The following GALNTL6 variants were observed in gnomAD, a reference collection of about 807,000 sequenced individuals.
GALNTL6 encodes polypeptide N-acetylgalactosaminyltransferase like 6.
Under a neutral mutation model 73.7 loss-of-function variants are expected in GALNTL6, and 46 were observed. That is an observed-to-expected ratio of 0.62 (90% CI 0.49 to 0.80). The LOEUF is 0.80. Among genes scored for constraint, GALNTL6 ranks in the 30% least tolerant of loss-of-function variants. The pLI is 0.00. For missense variants in GALNTL6, 604 were observed against 755.0 expected, an observed-to-expected ratio of 0.80 and a Z score of 2.34; for synonymous variants, 259 against 263.7, an observed-to-expected ratio of 0.98 and a Z score of 0.17.
intron 5 of GALNTL6, among the ~76,000 whole-genome samples, chr4:172,749,775 A>T (rs1178361200): frequency 6.6e-6 from 1 of 151,966 alleles, no homozygotes; most frequent in Non-Finnish European, 1.5e-5. Flanking sequence ...ATATTATTCA[A>T]TCTTTCCTTC....
intron 6 of GALNTL6, among the ~76,000 whole-genome samples, chr4:172,810,780 A>C (rs1179452399): frequency 1.3e-5 from 2 of 152,200 alleles, no homozygotes; most frequent in Non-Finnish European, 2.9e-5. Flanking sequence ...TTTAATTAAA[A>C]GTACCTTGTC....
intron 5 of GALNTL6, among the ~76,000 whole-genome samples, chr4:172,660,782 G>A (rs1447303251): frequency 6.6e-6 from 1 of 152,132 alleles, no homozygotes; most frequent in African/African-American, 2.4e-5. Flanking sequence ...ATTAAAGGCA[G>A]CTATAGAGGA....
chr4:172,692,009 A>G (rs1359698740), intron 5 of GALNTL6, among the ~76,000 whole-genome samples: 3 of 148,606 alleles, frequency 2.0e-5, no homozygotes, highest in Non-Finnish European at 4.5e-5. Context: ...GTATTCAGAC[A>G]TGCCTATTTA....
chr4:172,657,629 A>T (rs191725412), intron 5 of GALNTL6, among the ~76,000 whole-genome samples: 1 of 152,220 alleles, frequency 6.6e-6, no homozygotes, highest in East Asian at 1.9e-4. Context: ...CATTTGGTAT[A>T]TGAAGGGAAG....
intron 5 of GALNTL6, among the ~76,000 whole-genome samples, chr4:172,634,865 G>A (rs1739590359): frequency 6.6e-6 from 1 of 152,100 alleles, no homozygotes; most frequent in African/African-American, 2.4e-5. Flanking sequence ...TTAATACAAT[G>A]CAATAACAGA....
chr4:172,462,923 G>T (rs1732668828), intron 5 of GALNTL6, among the ~76,000 whole-genome samples: 1 of 152,142 alleles, frequency 6.6e-6, no homozygotes, highest in Non-Finnish European at 1.5e-5. Context: ...AAAGTGTGAG[G>T]ACCATAATGA....
At chr4:172,918,543 A>G (rs1409080875) in intron 8 of GALNTL6, among the ~76,000 whole-genome samples, 2 of 152,124 alleles carry the variant, frequency 1.3e-5, no homozygotes, top group Non-Finnish European at 2.9e-5. Flanking sequence ...TCCTTCCCCC[A>G]ACACACACAT....
At chr4:172,754,521 G>A (rs1470509917) in intron 5 of GALNTL6, among the ~76,000 whole-genome samples, 7 of 152,126 alleles carry the variant, frequency 4.6e-5, no homozygotes, top group Middle Eastern at 6.8e-3. Flanking sequence ...GCAGTGAGCC[G>A]AGATCGCACC....
chr4:172,554,977 G>A (rs1736093029), intron 5 of GALNTL6, among the ~76,000 whole-genome samples: 1 of 152,128 alleles, frequency 6.6e-6, no homozygotes, highest in Non-Finnish European at 1.5e-5. Flanking sequence ...AAAAATAGGT[G>A]TCGCAATTTA....
Position 172,809,460 on chromosome 4 carries a change from T to G in GALNTL6, c.653T>G (p.Leu218Arg). Residue 218 changes from leucine to arginine, a missense_variant, in exon 6 of 13, where the codon CTG becomes CGG. Physicochemically the swap from Leu to Arg is moderately radical, Grantham distance 102 (BLOSUM62 -2). Around this residue, in one of 5 missense-constraint regions of GALNTL6, gnomAD observed 179 missense variants for 230.8 expected, o/e 0.78. Transcript: ENST00000506823. This position sits in a 1 kb window ranked among gnomAD's most constrained non-coding sequence, Gnocchi z 4.4. ...KREGLIRTRL[L>R]GASMARGEVL... is the part of the protein sequence containing the mutation. ...GAAGGACTCATCCGGACCCGTCTCC[T>G]GGGGGCATCTATGGCCAGAGGAGAA... 6.2e-6 allele frequency: 10 copies of G among 1,613,910 alleles called. No homozygotes were observed. Among genetic ancestry groups the G allele is most frequent in the Non-Finnish European group, 8.5e-6 (10 of 1,179,866 alleles).
At chr4:172,382,799 A>C (rs937317565) in intron 5 of GALNTL6, among the ~76,000 whole-genome samples, 19 of 151,918 alleles carry the variant, frequency 1.3e-4, no homozygotes, top group African/African-American at 4.6e-4. Context: ...GGTCCAAATA[A>C]ATTCTTTGCC....
chr4:172,114,983 A>G (rs1165939324), intron 2 of GALNTL6, among the ~76,000 whole-genome samples: 1 of 152,134 alleles, frequency 6.6e-6, no homozygotes, highest in African/African-American at 2.4e-5. Context: ...CACACAAGCC[A>G]TTCCCATCAA....
intron 4 of GALNTL6, among the ~76,000 whole-genome samples, chr4:172,316,639 A>T (rs756754333): frequency 6.6e-6 from 1 of 152,224 alleles, no homozygotes; most frequent in Non-Finnish European, 1.5e-5. Flanking sequence ...TTGCAGTTAT[A>T]CCAGACTAAT....
intron 3 of GALNTL6, among the ~76,000 whole-genome samples, chr4:172,256,003 G>A (rs117702061): frequency 0.019 from 2,939 of 151,370 alleles, 52 homozygotes; most frequent in East Asian, 0.065. Flanking sequence ...TATGCATATC[G>A]CATATTTGTG....
chr4:172,998,373 A>AT (rs1246205419), intron 10 of GALNTL6, among the ~76,000 whole-genome samples: 5 of 152,294 alleles, frequency 3.3e-5, no homozygotes, highest in Admixed American at 6.5e-5. Context: ...GCACTTCACA[A>AT]TTTTTTTATC....
At chr4:172,758,032 C>T (rs934442296) in intron 5 of GALNTL6, among the ~76,000 whole-genome samples, 2 of 152,122 alleles carry the variant, frequency 1.3e-5, no homozygotes, top group Non-Finnish European at 2.9e-5. Context: ...CTAAACACAA[C>T]CCCACTGCAG....
At chr4:172,704,425 T>A (rs944057251) in intron 5 of GALNTL6, among the ~76,000 whole-genome samples, 7 of 151,962 alleles carry the variant, frequency 4.6e-5, no homozygotes, top group East Asian at 3.8e-4. Context: ...ACATTTTTTT[T>A]AATTTCCTTT....
At chr4:171,845,845 T>C (rs1201273094) in intron 2 of GALNTL6, among the ~76,000 whole-genome samples, 2 of 152,230 alleles carry the variant, frequency 1.3e-5, no homozygotes, top group African/African-American at 4.8e-5. Context: ...CAGTTCTTAA[T>C]AATTAATACA....
At chr4:172,355,234 T>G (rs757598279) in intron 5 of GALNTL6, among the ~76,000 whole-genome samples, 1 of 152,094 alleles carries the variant, frequency 6.6e-6, no homozygotes, top group Non-Finnish European at 1.5e-5. Context: ...ATTTTCAGTT[T>G]AATTATTTTA....
Sources: allele counts gnomAD v4.1 joint callset (sites outside exome capture counted in the v4.1 genomes callset), GRCh38; gene constraint gnomAD v4.1.1; regional missense constraint gnomAD v4.1.1; non-coding constraint Gnocchi (gnomAD v3.1); transcripts MANE v1.5; gene names NCBI Gene and HGNC (gene_info 2026-07-23, HGNC 2026-07-21).